ZFPM2: variants seen among roughly 807,000 people sequenced by gnomAD.
ZFPM2 encodes the protein zinc finger protein ZFPM2.
ZFPM2 carries 20 observed loss-of-function variants against 98.6 expected under a neutral mutation model. The ratio of observed to expected loss-of-function variants is 0.20; its 90% CI spans 0.14 to 0.29. The LOEUF (loss-of-function observed/expected upper bound fraction) is 0.29. Ranked by LOEUF, ZFPM2 falls within the 10% of genes least tolerant of loss-of-function variation. The pLI is 1.00. For missense variants in ZFPM2, 1,310 were observed against 1,388.6 expected, an observed-to-expected ratio of 0.94 and a Z score of 0.90; for synonymous variants, 518 against 502.7, an observed-to-expected ratio of 1.03 and a Z score of -0.41.
chr8:105,392,829 A>G (rs1811135180), intron 1 of ZFPM2, among the ~76,000 whole-genome samples: 1 of 152,182 alleles, frequency 6.6e-6, no homozygotes, highest in African/African-American at 2.4e-5. Flanking sequence ...TCTATAAGTG[A>G]GAGATTGTAT....
chr8:105,455,333 G>A (rs1216828489), intron 3 of ZFPM2, among the ~76,000 whole-genome samples: 1 of 152,064 alleles, frequency 6.6e-6, no homozygotes, highest in Non-Finnish European at 1.5e-5. Context: ...AACGTGGGAG[G>A]GGGGTTTGAG....
At chr8:105,799,454 G>T (rs16873707) in intron 7 of ZFPM2, among the ~76,000 whole-genome samples, 10,573 of 152,218 alleles carry the variant, frequency 0.069, 426 homozygotes, top group East Asian at 0.12. Context: ...ACTTCCAAAA[G>T]ATGCATCATA....
chr8:105,717,245 G>A (rs1811546112), intron 5 of ZFPM2, among the ~76,000 whole-genome samples: 3 of 151,948 alleles, frequency 2.0e-5, no homozygotes, highest in Non-Finnish European at 4.4e-5. Context: ...AATCAGAATA[G>A]CTAACATCTC....
At chr8:105,526,260 C>A (rs983776368) in intron 3 of ZFPM2, among the ~76,000 whole-genome samples, 1 of 152,044 alleles carries the variant, frequency 6.6e-6, no homozygotes, top group Non-Finnish European at 1.5e-5. Flanking sequence ...AAAATCATTC[C>A]CTCCAGAGCC....
intron 4 of ZFPM2, among the ~76,000 whole-genome samples, chr8:105,567,306 T>A (rs1382457413): frequency 6.6e-6 from 1 of 152,166 alleles, no homozygotes; most frequent in Non-Finnish European, 1.5e-5. Context: ...AAGAGCAAAC[T>A]CCTTGCAAGC....
chr8:105,332,292 T>C (rs1812248055), intron 1 of ZFPM2, among the ~76,000 whole-genome samples: 1 of 151,752 alleles, frequency 6.6e-6, no homozygotes, highest in African/African-American at 2.4e-5. Flanking sequence ...TTAGTTGACT[T>C]TGTACTAGAA....
At chr8:105,795,235 T>C (rs1181122743) in intron 6 of ZFPM2, among the ~76,000 whole-genome samples, 1 of 147,184 alleles carries the variant, frequency 6.8e-6, no homozygotes, top group African/African-American at 2.6e-5. Context: ...CTCCTCCCCC[T>C]CATTTTATCT....
intron 4 of ZFPM2, among the ~76,000 whole-genome samples, chr8:105,598,860 G>A (rs1816030128): frequency 1.3e-5 from 2 of 152,108 alleles, no homozygotes; most frequent in South Asian, 2.1e-4. Flanking sequence ...CCCCAATTAT[G>A]AAGTCCACTA....
chr8:105,499,608 C>G (rs769245947), intron 3 of ZFPM2, among the ~76,000 whole-genome samples: 8 of 152,176 alleles, frequency 5.3e-5, no homozygotes, highest in Non-Finnish European at 1.0e-4. Flanking sequence ...CCCAAGCTCT[C>G]TGTACTTTCC....
intron 3 of ZFPM2, among the ~76,000 whole-genome samples, chr8:105,534,078 C>T (rs1250096782): frequency 2.3e-4 from 7 of 29,954 alleles, no homozygotes; most frequent in East Asian, 9.6e-4. Context: ...CTTCCTCCCT[C>T]CCATCTTCCT....
intron 3 of ZFPM2, among the ~76,000 whole-genome samples, chr8:105,518,679 T>G (rs925562615): frequency 2.0e-5 from 3 of 152,196 alleles, no homozygotes; most frequent in African/African-American, 7.2e-5. Flanking sequence ...GTAATTGTTA[T>G]GAAGGAAAAT....
At chr8:105,613,839 CAA>C (rs1339065899) in intron 4 of ZFPM2, among the ~76,000 whole-genome samples, 14 of 152,090 alleles carry the variant, frequency 9.2e-5, no homozygotes, top group African/African-American at 2.7e-4. Flanking sequence ...CCAAAAAAGG[CAA>C]AGTTACATTT....
intron 5 of ZFPM2, among the ~76,000 whole-genome samples, chr8:105,654,712 A>G (rs564500967): frequency 2.2e-4 from 33 of 152,298 alleles, no homozygotes; most frequent in African/African-American, 7.7e-4. Context: ...AAGCAGCTCC[A>G]TCAGAACTGA....
intron 5 of ZFPM2, among the ~76,000 whole-genome samples, chr8:105,642,930 T>G (rs1386427967): frequency 6.6e-6 from 1 of 152,186 alleles, no homozygotes; most frequent in Non-Finnish European, 1.5e-5. Flanking sequence ...TACAATGTGT[T>G]CATGAGTGTA....
intron 5 of ZFPM2, among the ~76,000 whole-genome samples, chr8:105,707,209 T>C (rs1269121616): frequency 1.0e-4 from 15 of 150,490 alleles, no homozygotes; most frequent in African/African-American, 3.7e-4. Flanking sequence ...GCCACTGCTC[T>C]TCAGCCTGGG....
chr8:105,688,481 A>T (rs189088205), intron 5 of ZFPM2, among the ~76,000 whole-genome samples: 1 of 152,276 alleles, frequency 6.6e-6, no homozygotes, highest in Non-Finnish European at 1.5e-5. Flanking sequence ...GAATATATAA[A>T]CATGTAAAAT....
intron 1 of ZFPM2, among the ~76,000 whole-genome samples, chr8:105,406,323 T>C (rs1255926527): frequency 6.6e-6 from 1 of 152,108 alleles, no homozygotes; most frequent in East Asian, 1.9e-4. Context: ...GCCATTGCTT[T>C]TGGTGTTTTA....
intron 6 of ZFPM2, chr8:105,795,784 T>TCGTC: frequency 2.0e-6 from 1 of 489,948 alleles, no homozygotes. Context: ...ACAAAATCAG[T>TCGTC]CGTCTGGAGT....
chr8:105,636,255 T>C (rs1200263880), intron 5 of ZFPM2, among the ~76,000 whole-genome samples: 1 of 152,186 alleles, frequency 6.6e-6, no homozygotes, highest in Non-Finnish European at 1.5e-5. Context: ...GTATGCTAAC[T>C]TGAGCAAACT....
Sources: allele counts gnomAD v4.1 joint callset (sites outside exome capture counted in the v4.1 genomes callset), GRCh38; gene constraint gnomAD v4.1.1; transcripts MANE v1.5; gene names NCBI Gene and HGNC (gene_info 2026-07-23, HGNC 2026-07-21).